PTPRN2: variants seen among roughly 807,000 people sequenced by gnomAD.
PTPRN2 encodes receptor-type tyrosine-protein phosphatase N2.
In PTPRN2, 74 loss-of-function variants were observed where a neutral mutation model predicts 118.8. The observed-to-expected ratio is 0.62, with a 90% confidence interval of 0.52 to 0.76. The LOEUF (loss-of-function observed/expected upper bound fraction) is 0.76, where lower values mean the gene tolerates loss of function less well. Ranked by LOEUF, PTPRN2 falls within the 30% of genes least tolerant of loss-of-function variation. PTPRN2 has a pLI of 0.00. For missense variants in PTPRN2, 1,481 were observed against 1,394.4 expected (o/e 1.06, Z -0.99); for synonymous variants, 641 against 608.0 (o/e 1.05, Z -0.80).
chr7:157,692,566 A>C (rs970493824), intron 12 of PTPRN2, among the ~76,000 whole-genome samples: 3 of 152,206 alleles, frequency 2.0e-5, no homozygotes, highest in Admixed American at 2.0e-4. Context: ...GCCCAGGCTG[A>C]GTTCCGCATT....
At chr7:158,290,674 T>C (rs1800066251) in intron 3 of PTPRN2, among the ~76,000 whole-genome samples, 1 of 152,088 alleles carries the variant, frequency 6.6e-6, no homozygotes. Flanking sequence ...ATAGAGGGCA[T>C]CTCTCACCAC....
intron 12 of PTPRN2, among the ~76,000 whole-genome samples, chr7:157,746,120 A>C (rs1179994270): frequency 6.8e-6 from 1 of 147,330 alleles, no homozygotes; most frequent in East Asian, 2.1e-4. Context: ...GGCCAAGAGC[A>C]TGGAGATCAT....
At chr7:157,595,496 GTGTTT>G (rs879851213) in intron 16 of PTPRN2, among the ~76,000 whole-genome samples, 181 bp from the exon 17 acceptor site, 17,910 of 144,910 alleles carry the variant, frequency 0.12, 2,219 homozygotes, top group African/African-American at 0.21. Context: ...AGGAAGCCTG[GTGTTT>G]AGGAAGCCCG....
At chr7:158,129,265 C>T (rs115807806) in intron 9 of PTPRN2, among the ~76,000 whole-genome samples, 10,408 of 151,096 alleles carry the variant, frequency 0.069, 454 homozygotes, top group Non-Finnish European at 0.095. Context: ...CTACACACCA[C>T]ACACTACACA....
At chr7:158,142,972 T>C (rs963269351) in intron 6 of PTPRN2, among the ~76,000 whole-genome samples, 2 of 152,178 alleles carry the variant, frequency 1.3e-5, no homozygotes, top group African/African-American at 4.8e-5. Flanking sequence ...GTGCTGCTCA[T>C]TGCAGCTTTC....
intron 12 of PTPRN2, among the ~76,000 whole-genome samples, chr7:157,753,571 C>A (rs987157546): frequency 6.6e-6 from 1 of 152,196 alleles, no homozygotes; most frequent in African/African-American, 2.4e-5. Flanking sequence ...TCCTCCAACA[C>A]CCCCACCTCT....
Position 157,586,514 on chromosome 7 carries a change from G to A in PTPRN2, c.2497-8374C>T, listed in dbSNP as rs1342777126. ...TAACCAAGGACCCAGAGCAGACACC[G>A]TGGTCCCAGGCTGGACACATCTGAC... On this transcript the variant is annotated intron_variant, in intron 17 of 22. Coordinates refer to ENST00000389418, the MANE Select transcript of PTPRN2 (RefSeq NM_002847.5). 2.6e-5 allele frequency among the ~76,000 whole-genome samples: 4 copies of A among 152,218 alleles called. No homozygotes were observed. The East Asian group carries it at 7.7e-4, about 29-fold the overall frequency.
rs1365346462 is a variant in PTPRN2 at position 157,953,126 on chromosome 7, G to A, written c.1724-54389C>T. 6.6e-6 allele frequency among the ~76,000 whole-genome samples: 1 copy of A among 152,218 alleles called. No homozygotes were observed. Among genetic ancestry groups the A allele is most frequent in the Non-Finnish European group, 1.5e-5 (1 of 68,026 alleles). On this transcript the variant is annotated intron_variant, in intron 11 of 22. Coordinates refer to ENST00000389418, the MANE Select transcript of PTPRN2 (RefSeq NM_002847.5). This position sits in a 1 kb window ranked among gnomAD's most constrained non-coding sequence, Gnocchi z 4.6. ...CCACGGGGTGAGCCCTCTGGCTCGA[G>A]AAGTCCTCAGCGACATCTGGGGGTC...
intron 12 of PTPRN2, among the ~76,000 whole-genome samples, chr7:157,815,437 AG>A (rs1806334089): frequency 6.6e-6 from 1 of 152,216 alleles, no homozygotes; most frequent in African/African-American, 2.4e-5. Flanking sequence ...TTACCTGTAG[AG>A]CCACTTAGAG....
At chr7:158,542,515 A>G (rs975966128) in intron 1 of PTPRN2, among the ~76,000 whole-genome samples, 16 of 152,164 alleles carry the variant, frequency 1.1e-4, no homozygotes, top group Admixed American at 9.8e-4. Flanking sequence ...TCTTCAGTGC[A>G]TCAGTTATGG....
At chr7:158,061,475 G>A (rs1810336458) in intron 11 of PTPRN2, among the ~76,000 whole-genome samples, 1 of 152,110 alleles carries the variant, frequency 6.6e-6, no homozygotes, top group African/African-American at 2.4e-5. Flanking sequence ...AATGGACCGT[G>A]CCGCCAATGC....
intron 1 of PTPRN2, chr7:158,541,721 T>G: frequency 8.2e-7 from 1 of 1,223,366 alleles, no homozygotes; most frequent in South Asian, 1.5e-5. Context: ...TTAAAACACT[T>G]GCTTAAAGCT....
At position 157,903,327 on chromosome 7, in the gene PTPRN2, C is replaced by G. The variant is rs551552740; in HGVS notation, c.1724-4590G>C. Among the ~76,000 whole-genome samples, 1 of 152,148 alleles carries G rather than the reference C, an allele frequency of 6.6e-6. No homozygotes were observed. The highest frequency in any genetic ancestry group is 2.1e-4 in the South Asian group (1 of 4,808). ...TGAAACTCCCTCTGGGGGACGTGCTCACTACCTGCAAGACGGGAGCAAGCA... is the reference window on the plus strand; with the variant it reads ...TGAAACTCCCTCTGGGGGACGTGCTGACTACCTGCAAGACGGGAGCAAGCA... On this transcript the variant is annotated intron_variant, in intron 11 of 22. Transcript: ENST00000389418. The surrounding 1 kb of genome is among the most constrained non-coding windows in gnomAD (Gnocchi z 4.2).
Position 157,869,589 on chromosome 7 carries a change from C to T in PTPRN2, c.1788+29084G>A, listed in dbSNP as rs1810927332. ...AGCCACATCAATGCAGTCTTTTTCC[C>T]ATTACTATCTAAGGAAAAATGGGTA... is the stretch of plus-strand genomic sequence containing the variant. On this transcript the variant is annotated intron_variant, in intron 12 of 22. Transcript: ENST00000389418. The surrounding 1 kb of genome is among the most constrained non-coding windows in gnomAD (Gnocchi z 4.2). Among the ~76,000 whole-genome samples, 1 of 152,102 alleles carries T rather than the reference C, an allele frequency of 6.6e-6. No individual in the cohort carries two copies. Among genetic ancestry groups the T allele is most frequent in the Non-Finnish European group, 1.5e-5 (1 of 68,026 alleles).
chr7:158,369,707 T>C (rs1332107122), intron 2 of PTPRN2, among the ~76,000 whole-genome samples: 2 of 152,078 alleles, frequency 1.3e-5, no homozygotes, highest in Non-Finnish European at 2.9e-5. Flanking sequence ...AGAAAAACCA[T>C]GTGAGAGCCA....
intron 2 of PTPRN2, among the ~76,000 whole-genome samples, chr7:158,322,393 G>A (rs1222286535): frequency 5.9e-5 from 9 of 152,022 alleles, no homozygotes; most frequent in East Asian, 1.9e-4. Context: ...CTCACCCAGC[G>A]GTCAGAGAAC....
rs547552623 is a variant in PTPRN2 at position 157,634,201 on chromosome 7, C to T, written c.2197-12692G>A. 1.1e-3 allele frequency among the ~76,000 whole-genome samples: 170 copies of T among 152,302 alleles called. 1 individual carries two copies. The highest frequency in any genetic ancestry group is 3.8e-3 in the African/African-American group (157 of 41,554). On this transcript the variant is annotated intron_variant, in intron 14 of 22. Transcript: ENST00000389418. Reference sequence around the variant, plus strand: ...GTCATTGTTTAAACTCTTCACCCCTCACAGAACCACAGCAAGGAAAGACCC... The same window carrying T: ...GTCATTGTTTAAACTCTTCACCCCTTACAGAACCACAGCAAGGAAAGACCC...
chr7:158,205,491 T>G (rs1302147824), intron 3 of PTPRN2, among the ~76,000 whole-genome samples: 2 of 152,154 alleles, frequency 1.3e-5, no homozygotes, highest in Non-Finnish European at 1.5e-5. Flanking sequence ...GCTGCATTAA[T>G]AGTAATAAAA....
At chr7:157,635,642 G>C (rs1804266078) in intron 14 of PTPRN2, among the ~76,000 whole-genome samples, 1 of 152,102 alleles carries the variant, frequency 6.6e-6, no homozygotes, top group Non-Finnish European at 1.5e-5. Flanking sequence ...CTTTTCTCTG[G>C]CTAGCTTACA....
Sources: allele counts gnomAD v4.1 joint callset (sites outside exome capture counted in the v4.1 genomes callset), GRCh38; gene constraint gnomAD v4.1.1; non-coding constraint Gnocchi (gnomAD v3.1); transcripts MANE v1.5; gene names NCBI Gene and HGNC (gene_info 2026-07-23, HGNC 2026-07-21).